QSOX1: variants seen among roughly 807,000 people sequenced by gnomAD.
QSOX1 encodes sulfhydryl oxidase 1.
QSOX1 carries 40 observed loss-of-function variants against 76.1 expected under a neutral mutation model. The ratio of observed to expected loss-of-function variants is 0.53; its 90% CI spans 0.41 to 0.68. The LOEUF (loss-of-function observed/expected upper bound fraction) is 0.68, where lower values mean the gene tolerates loss of function less well. QSOX1 is among the 30% of genes least tolerant of loss of function. QSOX1 has a pLI of 0.00. For missense variants in QSOX1, 931 were observed against 974.3 expected (o/e 0.96, Z 0.59); for synonymous variants, 392 against 413.1 (o/e 0.95, Z 0.62).
intron 10 of QSOX1, among the ~76,000 whole-genome samples, chr1:180,193,563 A>G (rs1394146077): frequency 6.6e-6 from 1 of 152,106 alleles, no homozygotes; most frequent in East Asian, 1.9e-4. Flanking sequence ...CTGGAGCCTG[A>G]GGGTGAAGGG....
rs865977994 is a variant in QSOX1, at chr1:180,198,131, G to A, written c.*1094G>A. 6 of 454,846 alleles carry A rather than the reference G, an allele frequency of 1.3e-5. No individual in the cohort carries two copies. Among genetic ancestry groups the A allele is most frequent in the Admixed American group, 2.4e-5 (1 of 42,508 alleles). 28.2% of individuals were successfully genotyped at this position (454,846 alleles called of 1,614,324 possible). On this transcript the variant is annotated 3_prime_UTR_variant, in exon 12 of 12. Coordinates refer to ENST00000367602, the MANE Select transcript of QSOX1 (RefSeq NM_002826.5). The stretch of plus-strand genomic sequence containing the variant: ...CCTCACCTGGAATGCAGCCAGACTC[G>A]ATGTCCCTCAGCACACACAGCTCCT...
intron 1 of QSOX1, among the ~76,000 whole-genome samples, chr1:180,162,236 A>T (rs985562422): frequency 1.3e-4 from 20 of 152,244 alleles, no homozygotes; most frequent in Admixed American, 1.0e-3. Context: ...CTCAAAGAAG[A>T]TTAAACATCA....
At chr1:180,192,840 T>C (rs1663353686) in intron 10 of QSOX1, among the ~76,000 whole-genome samples, 1 of 152,070 alleles carries the variant, frequency 6.6e-6, no homozygotes, top group Non-Finnish European at 1.5e-5. Context: ...CTGGATGAGC[T>C]CCCTGGCAGG....
intron 3 of QSOX1, 126 bp downstream of exon 3, chr1:180,175,492 G>A (rs767596019): frequency 4.5e-5 from 45 of 1,009,590 alleles, no homozygotes; most frequent in African/African-American, 9.5e-5. Flanking sequence ...CGGTCCCCAC[G>A]GGAAGCCTAA....
At chr1:180,156,547 A>T (rs1007475318) in intron 1 of QSOX1, among the ~76,000 whole-genome samples, 4 of 152,192 alleles carry the variant, frequency 2.6e-5, no homozygotes, top group African/African-American at 9.7e-5. Flanking sequence ...CAGCTTGCAG[A>T]TTGGTTTCTG....
At chr1:180,178,999 C>T in intron 5 of QSOX1, 115 bp downstream of exon 5, 2 of 920,818 alleles carry the variant, frequency 2.2e-6, no homozygotes, top group Non-Finnish European at 3.5e-6. Flanking sequence ...GGTCTTTTAG[C>T]CTGGCATTGG....
In QSOX1 at chr1:180,197,477, G is replaced by A. The variant is rs1341091405; in HGVS notation, c.*440G>A. Reference sequence around the variant, plus strand: ...ACTCCTCACTAGCTGCTGGGGCTCCGCCCACCCTGCTCCCTTCCGGACAAT... The same window carrying A: ...ACTCCTCACTAGCTGCTGGGGCTCCACCCACCCTGCTCCCTTCCGGACAAT... On this transcript the variant is annotated 3_prime_UTR_variant, in exon 12 of 12. Transcript: ENST00000367602. The A allele has an allele frequency of 1.5e-5, 20 of 1,326,068 alleles. No individual in the cohort carries two copies. Among genetic ancestry groups the A allele is most frequent in the Middle Eastern group, 1.8e-4 (1 of 5,472 alleles). The allele number at this position is 1,326,068 out of a possible 1,614,324, so 82.1% of individuals were successfully genotyped here.
chr1:180,164,381 C>T (rs1353507545), intron 1 of QSOX1, among the ~76,000 whole-genome samples: 1 of 152,220 alleles, frequency 6.6e-6, no homozygotes, highest in Non-Finnish European at 1.5e-5. Flanking sequence ...TGACGTCTGA[C>T]TCTGGTAAAT....
At chr1:180,174,640 A>G (rs1398355252) in intron 2 of QSOX1, among the ~76,000 whole-genome samples, 2 of 152,196 alleles carry the variant, frequency 1.3e-5, no homozygotes, top group East Asian at 3.8e-4. Context: ...GCAAAGGAAA[A>G]CAGCAGTGGT....
chr1:180,194,430 G>A (rs761996901), intron 11 of QSOX1, 38 bp downstream of exon 11: 10 of 1,498,210 alleles, frequency 6.7e-6, no homozygotes, highest in Admixed American at 2.2e-5. Context: ...AGTCACTTGT[G>A]GGGGACGAGG....
intron 11 of QSOX1, among the ~76,000 whole-genome samples, chr1:180,195,015 C>T (rs1012952737): frequency 3.3e-5 from 5 of 149,736 alleles, no homozygotes; most frequent in Non-Finnish European, 7.4e-5. Context: ...GAGACCAGGG[C>T]GGAGCCGAGG....
At chr1:180,183,247 G>T (rs1663083532) in intron 6 of QSOX1, among the ~76,000 whole-genome samples, 1 of 152,074 alleles carries the variant, frequency 6.6e-6, no homozygotes, top group African/African-American at 2.4e-5. Flanking sequence ...CCCCGGGGCA[G>T]CCCTCACGCT....
At chr1:180,175,751 G>A (rs1469341638) in intron 3 of QSOX1, among the ~76,000 whole-genome samples, 180 bp from the exon 4 acceptor site, 1 of 152,186 alleles carries the variant, frequency 6.6e-6, no homozygotes, top group Non-Finnish European at 1.5e-5. Context: ...ACTACTTGGG[G>A]CCACAGGAGG....
At chr1:180,185,996 A>C (rs939501987) in intron 7 of QSOX1, 57 bp from the exon 8 acceptor site, 11 of 1,592,892 alleles carry the variant, frequency 6.9e-6, no homozygotes, top group Non-Finnish European at 6.9e-6. Flanking sequence ...TGCTCCTTGC[A>C]GCCCCTGCAC....
Position 180,197,219 on chromosome 1 carries a change from CAA to C in QSOX1, c.*185_*186del, listed in dbSNP as rs1266525805. ...GCTAGGACAGAGAGCTCCTTTGACA[CAA>C]AAGACAGGAGCAGGGTCCAGGTTCC... is the stretch of plus-strand genomic sequence containing the variant. On this transcript the variant is annotated 3_prime_UTR_variant, in exon 12 of 12. Transcript: ENST00000367602. The C allele has an allele frequency of 6.4e-7, 1 of 1,571,264 alleles. No homozygotes were observed. Among genetic ancestry groups the C allele is most frequent in the Non-Finnish European group, 8.6e-7 (1 of 1,162,470 alleles).
Position 180,197,475 on chromosome 1 carries a change from C to G in QSOX1, c.*438C>G. On this transcript the variant is annotated 3_prime_UTR_variant, in exon 12 of 12. Coordinates refer to ENST00000367602, the MANE Select transcript of QSOX1 (RefSeq NM_002826.5). The stretch of plus-strand genomic sequence containing the variant: ...GAACTCCTCACTAGCTGCTGGGGCT[C>G]CGCCCACCCTGCTCCCTTCCGGACA... 7.4e-7 allele frequency: 1 copy of G among 1,349,950 alleles called. No individual in the cohort carries two copies. The highest frequency in any genetic ancestry group is 1.2e-5 in the South Asian group (1 of 81,558). The allele number at this position is 1,349,950 out of a possible 1,614,324, so 83.6% of individuals were successfully genotyped here. A position where few individuals can be genotyped will look rare whatever the true frequency, so the allele number is the denominator to read the frequency against.
chr1:180,163,377 T>C (rs2149230291), intron 1 of QSOX1, among the ~76,000 whole-genome samples: 1 of 152,332 alleles, frequency 6.6e-6, no homozygotes, highest in East Asian at 1.9e-4. Context: ...CAGAATTATG[T>C]CCCTTATTAT....
chr1:180,159,646 A>G (rs757633177), intron 1 of QSOX1, among the ~76,000 whole-genome samples: 2 of 152,262 alleles, frequency 1.3e-5, no homozygotes, highest in African/African-American at 2.4e-5. Context: ...TTTAAAGGTT[A>G]AAGCAGAGGA....
In QSOX1 at chr1:180,182,326, A is replaced by G; in HGVS notation, c.752+7A>G. ...CTGTCTCCCGAGTCCCCGTGTGAGTATCCTGTCTCCTGGCGTCCCCTCTCG... is the reference window on the plus strand; with the variant it reads ...CTGTCTCCCGAGTCCCCGTGTGAGTGTCCTGTCTCCTGGCGTCCCCTCTCG... On this transcript the variant is annotated splice_region_variant and intron_variant, in intron 6 of 11. Coordinates refer to ENST00000367602, the MANE Select transcript of QSOX1 (RefSeq NM_002826.5). The G allele has an allele frequency of 1.2e-6, 2 of 1,614,130 alleles. No homozygotes were observed. Among genetic ancestry groups the G allele is most frequent in the African/African-American group, 2.7e-5 (2 of 75,044 alleles).
Sources: gnomAD v4.1 joint callset for allele counts (sites outside exome capture counted in the v4.1 genomes callset) on GRCh38, gnomAD v4.1.1 for gene constraint, MANE v1.5 for transcripts, NCBI Gene and HGNC (gene_info 2026-07-23, HGNC 2026-07-21) for gene names.